ZNF438: variants seen among roughly 807,000 people sequenced by gnomAD.
ZNF438 encodes zinc finger protein 438.
Under a neutral mutation model 38.0 loss-of-function variants are expected in ZNF438, and 25 were observed. That is an observed-to-expected ratio of 0.66 (90% CI 0.48 to 0.92). The LOEUF is 0.92. Ranked by LOEUF, ZNF438 falls within the 40% of genes least tolerant of loss-of-function variation. The pLI, the probability that ZNF438 is intolerant of heterozygous loss-of-function variation, is 0.00. For missense variants in ZNF438, 1,007 were observed against 999.6 expected, an observed-to-expected ratio of 1.01 and a Z score of -0.10; for synonymous variants, 372 against 364.1, an observed-to-expected ratio of 1.02 and a Z score of -0.25.
chr10:30,964,852 C>G (rs117741447), intron 1 of ZNF438, among the ~76,000 whole-genome samples: 1 of 151,866 alleles, frequency 6.6e-6, no homozygotes, highest in African/African-American at 2.4e-5. Flanking sequence ...TATAAAAATC[C>G]GAGAAAAAAA....
chr10:30,888,834 T>C (rs1449512492), intron 3 of ZNF438, among the ~76,000 whole-genome samples: 2 of 152,242 alleles, frequency 1.3e-5, no homozygotes, highest in Non-Finnish European at 2.9e-5. Context: ...GCAATGAACA[T>C]ATGTCTGCAT....
chr10:30,850,923 C>T (rs2033498424), intron 4 of ZNF438, among the ~76,000 whole-genome samples: 1 of 152,178 alleles, frequency 6.6e-6, no homozygotes, highest in Non-Finnish European at 1.5e-5. Flanking sequence ...TCAGGATACA[C>T]CATTTGACCC....
At chr10:30,999,950 T>C (rs2054476805) in intron 1 of ZNF438, among the ~76,000 whole-genome samples, 1 of 152,224 alleles carries the variant, frequency 6.6e-6, no homozygotes, top group South Asian at 2.1e-4. Flanking sequence ...TTTTCTTTAT[T>C]TGTCTTTTTA....
chr10:30,927,140 G>C (rs927065558), intron 2 of ZNF438, among the ~76,000 whole-genome samples: 1 of 152,012 alleles, frequency 6.6e-6, no homozygotes, highest in Non-Finnish European at 1.5e-5. Flanking sequence ...AGGCTGCCTT[G>C]CCAGCCTGAT....
chr10:31,020,405 A>G (rs1463007580), intron 1 of ZNF438, among the ~76,000 whole-genome samples: 1 of 152,190 alleles, frequency 6.6e-6, no homozygotes, highest in Non-Finnish European at 1.5e-5. Context: ...GCTGTTCATC[A>G]GAAATTCTCA....
chr10:31,018,631 C>G lies in ZNF438; in HGVS notation c.-192+13202G>C, dbSNP rs145004652. On this transcript the variant is annotated intron_variant, in intron 1 of 5. Transcript: ENST00000413025. Reference sequence around the variant, plus strand: ...TTCAGGCGCCAATTTTTGTACTATACAGGCTATGGGCTAAACTGCTGTAAT... The same window carrying G: ...TTCAGGCGCCAATTTTTGTACTATAGAGGCTATGGGCTAAACTGCTGTAAT... Among the ~76,000 whole-genome samples the G allele has an allele frequency of 2.4e-3, 373 of 152,314 alleles. 2 individuals carry two copies. The highest frequency in any genetic ancestry group is 8.4e-3 in the African/African-American group (349 of 41,580).
At chr10:30,974,316 T>TA (rs912002537) in intron 1 of ZNF438, among the ~76,000 whole-genome samples, 3 of 152,118 alleles carry the variant, frequency 2.0e-5, no homozygotes, top group African/African-American at 7.2e-5. Context: ...CCCATCTCTA[T>TA]AAAAAAATTA....
At chr10:30,861,345 G>A (rs986967790) in intron 4 of ZNF438, among the ~76,000 whole-genome samples, 10 of 152,140 alleles carry the variant, frequency 6.6e-5, no homozygotes, top group African/African-American at 2.2e-4. Flanking sequence ...CAATATAGAT[G>A]CAGTTCGAAA....
At chr10:31,021,774 A>G (rs189270989) in intron 1 of ZNF438, among the ~76,000 whole-genome samples, 9 of 152,326 alleles carry the variant, frequency 5.9e-5, no homozygotes, top group Admixed American at 5.9e-4. Context: ...ACCAAAAACT[A>G]CACCACAATA....
At chr10:30,982,175 C>A (rs1200955639) in intron 1 of ZNF438, among the ~76,000 whole-genome samples, 1 of 150,778 alleles carries the variant, frequency 6.6e-6, no homozygotes, top group African/African-American at 2.4e-5. Context: ...GATCTCGGCT[C>A]ACTGCGAACT....
At chr10:30,873,651 C>T (rs891523836) in intron 4 of ZNF438, among the ~76,000 whole-genome samples, 13 of 152,158 alleles carry the variant, frequency 8.5e-5, no homozygotes, top group Non-Finnish European at 1.9e-4. Flanking sequence ...ATGCTTTATT[C>T]TAATTAAGGA....
At chr10:30,873,555 C>A (rs183837187) in intron 4 of ZNF438, among the ~76,000 whole-genome samples, 3 of 152,278 alleles carry the variant, frequency 2.0e-5, no homozygotes, top group Non-Finnish European at 4.4e-5. Flanking sequence ...GTTTCCTGAC[C>A]AGCCTCAAAA....
At chr10:31,017,828 A>G (rs1416648875) in intron 1 of ZNF438, among the ~76,000 whole-genome samples, 1 of 152,190 alleles carries the variant, frequency 6.6e-6, no homozygotes, top group Non-Finnish European at 1.5e-5. Context: ...ATATGAACAA[A>G]AGTAACACGT....
At chr10:31,019,249 G>A (rs796363039) in intron 1 of ZNF438, among the ~76,000 whole-genome samples, 9 of 152,256 alleles carry the variant, frequency 5.9e-5, no homozygotes, top group Middle Eastern at 3.4e-3. Context: ...CACAATGACC[G>A]ACAAGTCTTC....
In ZNF438 at chr10:30,849,120, T is replaced by G. The variant is rs769157340; in HGVS notation, c.1285A>C (p.Thr429Pro). Residue 429 changes from threonine (T) to proline (P), a missense_variant, in exon 5 of 6, where the codon ACC becomes CCC. Physicochemically the swap from Thr to Pro is conservative, Grantham distance 38 (BLOSUM62 -1). Transcript: ENST00000413025. ...ATAATGCTACGGTATTTTTTCAGGG[T>G]CCCCAGCTTTTGGTCTCTGAATTCT... The G allele has an allele frequency of 3.7e-6, 6 of 1,613,644 alleles. No homozygotes were observed. The highest frequency in any genetic ancestry group is 5.1e-6 in the Non-Finnish European group (6 of 1,180,026).
intron 4 of ZNF438, chr10:30,857,913 G>T: frequency 2.3e-6 from 1 of 430,074 alleles, no homozygotes; most frequent in Non-Finnish European, 3.8e-6. Flanking sequence ...TAAGAGACAA[G>T]CACATGAGGC....
chr10:30,849,190 AATGAT>A lies in ZNF438; in HGVS notation c.1210_1214del (p.Ile404Ter). On this transcript the variant is annotated frameshift_variant, in exon 5 of 6. Transcript: ENST00000413025. LOFTEE classifies it high-confidence loss of function. ...TTTCTTTACCATCTCTACACTTATT[AATGAT>A]ATATTTCCTCCTTTTTCCCTGAAAT... 6.2e-7 allele frequency: 1 copy of A among 1,613,978 alleles called. No individual in the cohort carries two copies. Among genetic ancestry groups the A allele is most frequent in the Non-Finnish European group, 8.5e-7 (1 of 1,180,026 alleles).
intron 3 of ZNF438, among the ~76,000 whole-genome samples, chr10:30,902,352 A>C (rs1208764833): frequency 1.5e-5 from 2 of 136,530 alleles, no homozygotes; most frequent in African/African-American, 2.9e-5. Context: ...CAGAGTGTCG[A>C]TTGGTGTATT....
chr10:31,007,008 G>T (rs558083382), intron 1 of ZNF438, among the ~76,000 whole-genome samples: 1 of 152,246 alleles, frequency 6.6e-6, no homozygotes, highest in Non-Finnish European at 1.5e-5. Flanking sequence ...AAAGGGGAAA[G>T]CAGGGACAAA....
Sources: gnomAD v4.1 joint callset for allele counts (sites outside exome capture counted in the v4.1 genomes callset) on GRCh38, gnomAD v4.1.1 for gene constraint, MANE v1.5 for transcripts, NCBI Gene and HGNC (gene_info 2026-07-23, HGNC 2026-07-21) for gene names.